MR1: variants seen among roughly 807,000 people sequenced by gnomAD.
MR1 encodes major histocompatibility complex, class I-related.
A neutral mutation model predicts 37.8 loss-of-function variants in MR1; 44 were observed. The ratio of observed to expected loss-of-function variants is 1.16; its 90% CI spans 0.91 to 1.50. MR1 has a LOEUF of 1.50. Among genes scored for constraint, MR1 ranks in the 40% most tolerant of loss-of-function variants. The pLI is 0.00. For synonymous variants in MR1, 153 were observed against 155.8 expected (o/e 0.98, Z 0.13); for missense variants, 386 against 419.1 (o/e 0.92, Z 0.69).
intron 1 of MR1, among the ~76,000 whole-genome samples, chr1:181,048,483 A>G (rs1658060955): frequency 6.6e-6 from 1 of 150,536 alleles, no homozygotes; most frequent in African/African-American, 2.4e-5. Context: ...TGCAGTGAAC[A>G]GAGATCGTGC....
At position 181,049,151 on chromosome 1, in the gene MR1, C is replaced by G; in HGVS notation, c.167C>G (p.Thr56Ser). 1 of 1,614,230 alleles carries G rather than the reference C, an allele frequency of 6.2e-7. No individual in the cohort carries two copies. The highest frequency in any genetic ancestry group is 8.5e-7 in the Non-Finnish European group (1 of 1,180,040). Residue 56 changes from threonine (T) to serine (S), a missense_variant, in exon 2 of 6, where the codon ACC becomes AGC. Physicochemically the swap from Thr to Ser is moderately conservative, Grantham distance 58 (BLOSUM62 1). Transcript: ENST00000367580. The part of the protein sequence containing the change: ...SVGYVDSHPI[T>S]TYDSVTRQKE... ...GGGTACGTGGACTCGCACCCTATCA[C>G]CACATATGACAGTGTCACTCGGCAG...
At chr1:181,039,504 T>G (rs1455818385) in intron 1 of MR1, among the ~76,000 whole-genome samples, 1 of 152,204 alleles carries the variant, frequency 6.6e-6, no homozygotes, top group African/African-American at 2.4e-5. Context: ...AGAGCTGGTA[T>G]TTGATTTGTT....
upstream of MR1, chr1:181,033,862 A>G (rs369914462): frequency 7.7e-5 from 48 of 625,260 alleles, no homozygotes; most frequent in East Asian, 1.3e-3. Context: ...TCATGCTTTC[A>G]TTTTATCTTT....
intron 4 of MR1, among the ~76,000 whole-genome samples, 164 bp downstream of exon 4, chr1:181,052,674 C>T (rs1043283328): frequency 1.4e-4 from 22 of 152,272 alleles, no homozygotes; most frequent in Admixed American, 5.9e-4. Context: ...GGAACCAGGA[C>T]GCCTTCATAC....
At chr1:181,037,370 C>A (rs1242655821) in intron 1 of MR1, among the ~76,000 whole-genome samples, 1 of 152,176 alleles carries the variant, frequency 6.6e-6, no homozygotes, top group African/African-American at 2.4e-5. Context: ...TTCCATGGAG[C>A]TGTTGCCAAG....
rs2102417094 is a variant in MR1, at chr1:181,060,866, CAGTACTTAA to C, written c.*5603_*5611del. ...CCAGAGGGGAGATGCTGATGCCTTT[CAGTACTTAA>C]ATATGAGTTCAGACCCTGGGGCCTG... On this transcript the variant is annotated 3_prime_UTR_variant, in exon 6 of 6. Coordinates refer to ENST00000367580, the MANE Select transcript of MR1 (RefSeq NM_001385161.1). 6.6e-6 allele frequency: 1 copy of C among 152,300 alleles called. No individual in the cohort carries two copies. Among genetic ancestry groups the C allele is most frequent in the Admixed American group, 6.5e-5 (1 of 15,290 alleles). The allele number at this position is 152,300 out of a possible 1,614,324, so 9.4% of individuals were successfully genotyped here.
In MR1 at chr1:181,061,937, C is replaced by T. The variant is rs1301828969; in HGVS notation, c.*6672C>T. ...TCTAATAAACTTTATCTTGTCATTG[C>T]ATTGTCTGTGAGATTAGTGATCTGA... On this transcript the variant is annotated 3_prime_UTR_variant, in exon 6 of 6. Transcript: ENST00000367580. The T allele has an allele frequency of 6.6e-6, 1 of 152,194 alleles. No individual in the cohort carries two copies. The highest frequency in any genetic ancestry group is 1.5e-5 in the Non-Finnish European group (1 of 68,038). 9.4% of individuals were successfully genotyped at this position (152,194 alleles called of 1,614,324 possible). A position where few individuals can be genotyped will look rare whatever the true frequency, so the allele number is the denominator to read the frequency against.
intron 2 of MR1, 117 bp from the exon 3 acceptor site, chr1:181,049,894 C>A (rs1488499870): frequency 1.1e-5 from 14 of 1,228,624 alleles, no homozygotes; most frequent in Non-Finnish European, 1.6e-5. Flanking sequence ...CATGGCAGGC[C>A]TGGGGGGTGA....
chr1:181,040,161 A>G (rs1278451439), intron 1 of MR1, among the ~76,000 whole-genome samples: 1 of 152,220 alleles, frequency 6.6e-6, no homozygotes, highest in Non-Finnish European at 1.5e-5. Flanking sequence ...ACAGAATACC[A>G]AATTCTAAAT....
intron 1 of MR1, among the ~76,000 whole-genome samples, chr1:181,044,553 G>A (rs952349629): frequency 1.3e-5 from 2 of 152,272 alleles, no homozygotes; most frequent in East Asian, 1.9e-4. Context: ...CCCACAGAGC[G>A]AGGAGTGCGT....
chr1:181,054,721 C>T (rs935724855), intron 5 of MR1, among the ~76,000 whole-genome samples: 6 of 150,946 alleles, frequency 4.0e-5, no homozygotes, highest in African/African-American at 9.8e-5. Flanking sequence ...ATTAGCTGGG[C>T]GTGGTGGCAC....
intron 5 of MR1, among the ~76,000 whole-genome samples, chr1:181,054,860 T>G (rs1021764432): frequency 2.0e-5 from 3 of 151,892 alleles, no homozygotes; most frequent in African/African-American, 7.3e-5. Flanking sequence ...AGACTCTGTC[T>G]CAAAAAAGAA....
chr1:181,040,262 C>T (rs773017519), intron 1 of MR1, among the ~76,000 whole-genome samples: 5 of 151,794 alleles, frequency 3.3e-5, no homozygotes, highest in Non-Finnish European at 7.4e-5. Context: ...ATTATTAGGG[C>T]GAGAAAAGAG....
chr1:181,045,805 G>T (rs932190796), intron 1 of MR1, among the ~76,000 whole-genome samples: 2 of 152,244 alleles, frequency 1.3e-5, no homozygotes, highest in Admixed American at 6.5e-5. Flanking sequence ...GCCGGAGCCC[G>T]CTCCCGCAGC....
At position 181,046,219 on chromosome 1, in the gene MR1, C is replaced by T. The variant is rs533798288; in HGVS notation, c.68-2833C>T. 1.2e-4 allele frequency among the ~76,000 whole-genome samples: 19 copies of T among 152,346 alleles called. No homozygotes were observed. In the South Asian group the frequency reaches 2.9e-3, roughly 23 times the overall value. On this transcript the variant is annotated intron_variant, in intron 1 of 5. Transcript: ENST00000367580. The stretch of plus-strand genomic sequence containing the variant: ...CCAAGGGCTGAGGAGTGCGGGCGCA[C>T]GGCGCGGGAATGGCAGGCAGCTCCA...
At chr1:181,054,136 A>T (rs1658477514) in intron 5 of MR1, among the ~76,000 whole-genome samples, 1 of 152,210 alleles carries the variant, frequency 6.6e-6, no homozygotes, top group Admixed American at 6.5e-5. Context: ...AAAACATTAA[A>T]TATGTAAGAG....
rs1364102324 is a variant in MR1, at chr1:181,045,544, C to T, written c.68-3508C>T. Among the ~76,000 whole-genome samples, 9 of 152,240 alleles carry T rather than the reference C, an allele frequency of 5.9e-5. No individual in the cohort carries two copies. In the East Asian group the frequency reaches 9.7e-4, roughly 16 times the overall value. The stretch of plus-strand genomic sequence containing the variant: ...CTGCCCGCCCTCCTGCATCCCCTCC[C>T]AGCCCCTCTGCCTACTCACCTCCTA... On this transcript the variant is annotated intron_variant, in intron 1 of 5. Transcript: ENST00000367580.
chr1:181,045,947 C>T (rs547760367), intron 1 of MR1, among the ~76,000 whole-genome samples: 29 of 152,336 alleles, frequency 1.9e-4, no homozygotes, highest in South Asian at 1.9e-3. Context: ...CCTGCCGGCC[C>T]GGGCAATGAG....
Position 181,037,335 on chromosome 1 carries a change from C to T in MR1, c.67+3261C>T, listed in dbSNP as rs192753811. Among the ~76,000 whole-genome samples, 658 of 152,258 alleles carry T rather than the reference C, an allele frequency of 4.3e-3. 4 individuals are homozygous for T. The highest frequency in any genetic ancestry group is 7.0e-3 in the Non-Finnish European group (479 of 68,024). Reference sequence around the variant, plus strand: ...AGAAAATATGGGCTTTTTCTTTAGACTTTATTAGATAGACTTCAGTCTGTT... The same window carrying T: ...AGAAAATATGGGCTTTTTCTTTAGATTTTATTAGATAGACTTCAGTCTGTT... On this transcript the variant is annotated intron_variant, in intron 1 of 5. Transcript: ENST00000367580.
Sources: allele counts gnomAD v4.1 joint callset (sites outside exome capture counted in the v4.1 genomes callset), GRCh38; gene constraint gnomAD v4.1.1; transcripts MANE v1.5; gene names NCBI Gene and HGNC (gene_info 2026-07-23, HGNC 2026-07-21).